The following EBF2 variants were observed in gnomAD, a reference collection of about 807,000 sequenced individuals.
The protein encoded by EBF2 is transcription factor COE2.
In EBF2, 21 loss-of-function variants were observed where a neutral mutation model predicts 72.8. The observed-to-expected ratio is 0.29, with a 90% CI of 0.20 to 0.42. The LOEUF (loss-of-function observed/expected upper bound fraction) is 0.42, where lower values mean the gene tolerates loss of function less well. EBF2 is among the 10% of genes least tolerant of loss of function. The probability of loss-of-function intolerance (pLI) is 1.00; values close to 1 mark genes in which losing one functional copy is unlikely to be tolerated. For missense variants in EBF2, 637 were observed against 731.2 expected, an observed-to-expected ratio of 0.87 and a Z score of 1.49; for synonymous variants, 299 against 274.2, an observed-to-expected ratio of 1.09 and a Z score of -0.89.
rs1200714075 is a variant in EBF2 at position 26,035,072 on chromosome 8, G to A, written c.483-1919C>T. Among the ~76,000 whole-genome samples, 3 of 151,984 alleles carry A rather than the reference G, an allele frequency of 2.0e-5. No individual in the cohort carries two copies. In the East Asian group the frequency reaches 5.8e-4, roughly 29 times the overall value. On this transcript the variant is annotated intron_variant, in intron 5 of 15. Transcript: ENST00000520164. ...TCCATGAGCACCCTTTGAAAGTGGTGATAACATAAGGAAAAAGGGAAGTCA... is the reference window on the plus strand; with the variant it reads ...TCCATGAGCACCCTTTGAAAGTGGTAATAACATAAGGAAAAAGGGAAGTCA...
intron 10 of EBF2, among the ~76,000 whole-genome samples, chr8:25,864,532 A>G (rs969209969): frequency 6.6e-6 from 1 of 152,100 alleles, no homozygotes; most frequent in African/African-American, 2.4e-5. Flanking sequence ...ACACAAATGT[A>G]TATGTACACA....
chr8:25,950,136 G>A (rs1398675550), intron 6 of EBF2, among the ~76,000 whole-genome samples: 2 of 152,192 alleles, frequency 1.3e-5, no homozygotes, highest in South Asian at 2.1e-4. Context: ...CATCTGAAAC[G>A]AGGTGCCCCA....
intron 6 of EBF2, among the ~76,000 whole-genome samples, chr8:25,914,374 A>G (rs1232979323): frequency 6.6e-6 from 1 of 152,220 alleles, no homozygotes; most frequent in African/African-American, 2.4e-5. Flanking sequence ...AGGCAGCCCT[A>G]GGGAAGGTGA....
intron 6 of EBF2, among the ~76,000 whole-genome samples, chr8:26,015,763 C>T (rs936942643): frequency 2.6e-5 from 4 of 152,182 alleles, no homozygotes; most frequent in Admixed American, 6.5e-5. Context: ...AGCCTTTGTC[C>T]AACCATCACT....
chr8:25,986,484 G>A (rs1804459067), intron 6 of EBF2, among the ~76,000 whole-genome samples: 1 of 152,062 alleles, frequency 6.6e-6, no homozygotes, highest in African/African-American at 2.4e-5. Context: ...TGTCCACCAC[G>A]GCACCAAACT....
chr8:25,844,003 C>T lies in EBF2; in HGVS notation c.*606G>A, dbSNP rs553288937. On this transcript the variant is annotated 3_prime_UTR_variant, in exon 16 of 16. Coordinates refer to ENST00000520164, the MANE Select transcript of EBF2 (RefSeq NM_022659.4). ...TTCTACCTCTACTTACAATAAGTTA[C>T]ACATTTATTTATTTAAATAATTGTA... 1.3e-5 allele frequency: 2 copies of T among 152,424 alleles called. No individual in the cohort carries two copies. The highest frequency in any genetic ancestry group is 4.2e-4 in the South Asian group (2 of 4,816). 9.4% of individuals were successfully genotyped at this position (152,424 alleles called of 1,614,324 possible). A position where few individuals can be genotyped will look rare whatever the true frequency, so the allele number is the denominator to read the frequency against.
At chr8:25,887,094 CCTCT>C (rs1563389069) in intron 9 of EBF2, among the ~76,000 whole-genome samples, 1 of 148,192 alleles carries the variant, frequency 6.7e-6, no homozygotes, top group Non-Finnish European at 1.5e-5. Context: ...TCTGTCTGTC[CCTCT>C]CTCTGTGTGT....
chr8:26,037,108 A>T (rs1805515176), intron 5 of EBF2, among the ~76,000 whole-genome samples: 1 of 152,054 alleles, frequency 6.6e-6, no homozygotes, highest in Admixed American at 6.6e-5. Context: ...TACTTGAAAC[A>T]CTCTCAATTT....
intron 15 of EBF2, among the ~76,000 whole-genome samples, chr8:25,849,323 C>T (rs141167611): frequency 2.1e-4 from 32 of 152,264 alleles, no homozygotes; most frequent in African/African-American, 7.0e-4. Flanking sequence ...AGGAACCTAA[C>T]GTACCTCCCA....
At chr8:25,862,667 C>A in intron 11 of EBF2, 42 bp downstream of exon 11, 1 of 1,489,062 alleles carries the variant, frequency 6.7e-7, no homozygotes, top group Non-Finnish European at 9.1e-7. Flanking sequence ...TCCTGAAATT[C>A]TACACAAATG....
At chr8:25,956,248 G>A (rs999362017) in intron 6 of EBF2, among the ~76,000 whole-genome samples, 2 of 151,948 alleles carry the variant, frequency 1.3e-5, no homozygotes, top group African/African-American at 2.4e-5. Context: ...GAGAAACCCC[G>A]TCTCTACTAA....
intron 13 of EBF2, among the ~76,000 whole-genome samples, chr8:25,860,420 T>C (rs1325276196): frequency 6.6e-6 from 1 of 152,146 alleles, no homozygotes; most frequent in Non-Finnish European, 1.5e-5. Flanking sequence ...ATAAATTTCT[T>C]TTAAATTAAT....
chr8:26,041,116 G>C, intron 2 of EBF2, 114 bp from the exon 3 acceptor site: 1 of 1,228,946 alleles, frequency 8.1e-7, no homozygotes. Context: ...AGGCAGCTTT[G>C]AGTAACCCCC....
chr8:26,001,329 A>G (rs1438200628), intron 6 of EBF2, among the ~76,000 whole-genome samples: 1 of 152,210 alleles, frequency 6.6e-6, no homozygotes, highest in Non-Finnish European at 1.5e-5. Context: ...AGACAGAGGA[A>G]GAAAGAGAGG....
At chr8:25,855,418 T>C (rs1409481659) in intron 14 of EBF2, among the ~76,000 whole-genome samples, 1 of 152,196 alleles carries the variant, frequency 6.6e-6, no homozygotes, top group Non-Finnish European at 1.5e-5. Context: ...TGTTTGGCCA[T>C]TTTTGAAGTA....
chr8:25,950,060 T>TAG (rs1803832788), intron 6 of EBF2, among the ~76,000 whole-genome samples: 1 of 152,230 alleles, frequency 6.6e-6, no homozygotes, highest in Admixed American at 6.5e-5. Flanking sequence ...AGTCTCAGTC[T>TAG]AGAACCGTAT....
chr8:26,009,261 C>T (rs996579538), intron 6 of EBF2, among the ~76,000 whole-genome samples: 1 of 151,952 alleles, frequency 6.6e-6, no homozygotes, highest in East Asian at 1.9e-4. Flanking sequence ...TTTTTTCCCC[C>T]AGAAAGAAGA....
chr8:25,962,454 A>G (rs189389160), intron 6 of EBF2, among the ~76,000 whole-genome samples: 1 of 152,206 alleles, frequency 6.6e-6, no homozygotes, highest in East Asian at 1.9e-4. Flanking sequence ...TTATCCAGAC[A>G]TATCTGAATC....
At position 26,040,732 on chromosome 8, in the gene EBF2, C is replaced by A. The variant is rs554889002; in HGVS notation, c.353-61G>T. 4.1e-5 allele frequency: 63 copies of A among 1,538,450 alleles called. No homozygotes were observed. The African/African-American group carries it at 8.5e-4, about 21-fold the overall frequency. On this transcript the variant is annotated intron_variant, in intron 3 of 15. Transcript: ENST00000520164. ...AGAGCCCCTTCCGGGCACCCCAAAC[C>A]CTTCTCTGCCATGGGTCTGAGGCCC...
Sources: allele counts gnomAD v4.1 joint callset (sites outside exome capture counted in the v4.1 genomes callset), GRCh38; gene constraint gnomAD v4.1.1; transcripts MANE v1.5; gene names NCBI Gene and HGNC (gene_info 2026-07-23, HGNC 2026-07-21).